The following GNE variants were observed in gnomAD, a reference collection of about 807,000 sequenced individuals.
The protein encoded by GNE is bifunctional UDP-N-acetylglucosamine 2-epimerase/N-acetylmannosamine kinase.
Under a neutral mutation model 61.8 loss-of-function variants are expected in GNE, and 41 were observed. That is an observed-to-expected ratio of 0.66 (90% CI 0.52 to 0.86). The LOEUF (loss-of-function observed/expected upper bound fraction) is 0.86. Ranked by LOEUF, GNE falls within the 40% of genes least tolerant of loss-of-function variation. The probability of loss-of-function intolerance (pLI) is 0.00; values close to 1 mark genes in which losing one functional copy is unlikely to be tolerated. For missense variants in GNE, 608 were observed against 909.1 expected, an observed-to-expected ratio of 0.67 and a Z score of 4.26; for synonymous variants, 264 against 326.4, an observed-to-expected ratio of 0.81 and a Z score of 2.06.
At chr9:36,260,132 C>T (rs144984197), upstream of GNE, among the ~76,000 whole-genome samples, 412 of 151,822 alleles carry the variant, frequency 2.7e-3, 1 homozygote, top group African/African-American at 9.0e-3. Context: ...GAATGACCTC[C>T]GGGCCAGGTG....
chr9:36,218,110 C>T lies in GNE; in HGVS notation c.1933+73G>A. On this transcript the variant is annotated intron_variant, in intron 11 of 11. Transcript: ENST00000642385. This position sits in a 1 kb window ranked among gnomAD's most constrained non-coding sequence, Gnocchi z 4.1. ...TGTCCCTAGGGAAGCAGGGTCTCTTCTGGGGCCGGGCTGGGCCATATGATA... is the reference window on the plus strand; with the variant it reads ...TGTCCCTAGGGAAGCAGGGTCTCTTTTGGGGCCGGGCTGGGCCATATGATA... 1 of 998,856 alleles carries T rather than the reference C, an allele frequency of 1.0e-6. No individual in the cohort carries two copies. The highest frequency in any genetic ancestry group is 1.6e-6 in the Non-Finnish European group (1 of 619,014). The allele number at this position is 998,856 out of a possible 1,614,324, so 61.9% of individuals were successfully genotyped here.
In GNE at chr9:36,227,242, T is replaced by C; in HGVS notation, c.1281+6A>G. On this transcript the variant is annotated splice_donor_region_variant and intron_variant, in intron 7 of 11. Transcript: ENST00000642385. ...TATAAAGTTAGGAGTTTAGGAGTTA[T>C]TTTACCTTCATGCTGACTATTGCAA... The C allele has an allele frequency of 6.3e-7, 1 of 1,594,576 alleles. No homozygotes were observed. The highest frequency in any genetic ancestry group is 8.6e-7 in the Non-Finnish European group (1 of 1,162,296).
At chr9:36,235,896 G>A (rs1563939703) in intron 4 of GNE, among the ~76,000 whole-genome samples, 1 of 152,086 alleles carries the variant, frequency 6.6e-6, no homozygotes, top group Non-Finnish European at 1.5e-5. Flanking sequence ...ACCAGTGTTT[G>A]GAAATTCTTC....
In GNE at chr9:36,217,166, C is replaced by A; in HGVS notation, c.*199G>T. The A allele has an allele frequency of 1.6e-6, 1 of 608,694 alleles. No individual in the cohort carries two copies. 37.7% of individuals were successfully genotyped at this position (608,694 alleles called of 1,614,324 possible). A position where few individuals can be genotyped will look rare whatever the true frequency, so the allele number is the denominator to read the frequency against. ...AAAATGACCCCTAGTAAGAAGACAT[C>A]AGAAAGAATAGCATCTACAAAAATA... On this transcript the variant is annotated 3_prime_UTR_variant, in exon 12 of 12. Transcript: ENST00000642385.
At chr9:36,236,422 A>C (rs1276213519) in intron 4 of GNE, among the ~76,000 whole-genome samples, 1 of 151,884 alleles carries the variant, frequency 6.6e-6, no homozygotes, top group Non-Finnish European at 1.5e-5. Flanking sequence ...CTGGTCTCGA[A>C]CTCCTGACCT....
chr9:36,234,184 C>G (rs1829300652), intron 4 of GNE, 52 bp from the exon 5 acceptor site: 11 of 1,397,768 alleles, frequency 7.9e-6, no homozygotes, highest in Non-Finnish European at 1.1e-5. Context: ...ATAAAGAAAC[C>G]ATTTTCATTG....
chr9:36,238,460 A>AT (rs1474056818), intron 3 of GNE, among the ~76,000 whole-genome samples: 8 of 152,224 alleles, frequency 5.3e-5, no homozygotes, highest in Non-Finnish European at 1.2e-4. Context: ...GTAAGGCGGC[A>AT]TCGCATTATG....
chr9:36,264,467 C>T (rs1830704165), intron 1 of GNE, among the ~76,000 whole-genome samples: 1 of 152,086 alleles, frequency 6.6e-6, no homozygotes, highest in Non-Finnish European at 1.5e-5. Flanking sequence ...TGCCCTGTTC[C>T]TTGCATTCAG....
At chr9:36,276,842 T>C (rs968322235) in intron 1 of GNE, 1 of 1,396,332 alleles carries the variant, frequency 7.2e-7, no homozygotes, top group East Asian at 2.3e-5. Flanking sequence ...CCCCCCTTTT[T>C]TTCTGATTGC....
intron 1 of GNE, among the ~76,000 whole-genome samples, chr9:36,274,068 CTGTGTGTGTGTG>C (rs71336439): frequency 0.059 from 8,441 of 142,232 alleles, 303 homozygotes; most frequent in South Asian, 0.092. Flanking sequence ...GTCTATGGTA[CTGTGTGTGTGTG>C]TGTGTGTGTG....
Position 36,216,665 on chromosome 9 carries a change from A to ATTATTATT in GNE, c.*692_*699dup, listed in dbSNP as rs1554657652. 2.0e-5 allele frequency: 2 copies of ATTATTATT among 100,678 alleles called. No individual in the cohort carries two copies. Among genetic ancestry groups the ATTATTATT allele is most frequent in the Non-Finnish European group, 4.5e-5 (2 of 44,842 alleles). 6.2% of individuals were successfully genotyped at this position (100,678 alleles called of 1,614,324 possible). On this transcript the variant is annotated 3_prime_UTR_variant, in exon 12 of 12. Coordinates refer to ENST00000642385, the MANE Select transcript of GNE (RefSeq NM_005476.7). ...GATTATTATTATTATTATTATTATT[A>ATTATTATT]TTATTATTTATTATTATTATTTTTG...
At chr9:36,228,190 G>A (rs551460422) in intron 6 of GNE, among the ~76,000 whole-genome samples, 17 of 151,516 alleles carry the variant, frequency 1.1e-4, no homozygotes, top group Admixed American at 7.9e-4. Flanking sequence ...TAATTATACA[G>A]AACTAAAAAA....
chr9:36,217,928 TA>T (rs1198108720), intron 11 of GNE, among the ~76,000 whole-genome samples: 1 of 152,236 alleles, frequency 6.6e-6, no homozygotes, highest in African/African-American at 2.4e-5. Context: ...TATATTTCTC[TA>T]AATTTCCTGT....
intron 3 of GNE, among the ~76,000 whole-genome samples, chr9:36,243,659 A>AT (rs1175938539): frequency 6.6e-6 from 1 of 152,118 alleles, no homozygotes. Context: ...CCTGGGCAAA[A>AT]TAGTGAGACC....
chr9:36,273,369 A>AC (rs1831119022), intron 1 of GNE, among the ~76,000 whole-genome samples: 1 of 151,466 alleles, frequency 6.6e-6, no homozygotes, highest in Non-Finnish European at 1.5e-5. Context: ...GGCACCCGCC[A>AC]CCACACCCAG....
chr9:36,265,318 C>G lies in GNE; in HGVS notation c.51+11576G>C, dbSNP rs1355053292. On this transcript the variant is annotated intron_variant, in intron 1 of 11. Coordinates refer to the GNE transcript ENST00000396594. ...GGGCCAAGAACCCCAGGTCAGAGAA[C>G]GAGAGGCTTGCTGCCATCTTGGAAG... The G allele has an allele frequency of 4.7e-5, 21 of 444,282 alleles. No homozygotes were observed. The East Asian group carries it at 6.3e-4, about 13-fold the overall frequency. The allele number at this position is 444,282 out of a possible 1,614,324, so 27.5% of individuals were successfully genotyped here.
chr9:36,228,117 A>G (rs565973452), intron 6 of GNE, among the ~76,000 whole-genome samples: 2 of 151,876 alleles, frequency 1.3e-5, no homozygotes, highest in South Asian at 2.1e-4. Context: ...TCAGAACATC[A>G]TGTTGTACAC....
chr9:36,270,845 T>C (rs143974034), intron 1 of GNE, among the ~76,000 whole-genome samples: 2 of 152,212 alleles, frequency 1.3e-5, no homozygotes, highest in East Asian at 3.9e-4. Flanking sequence ...AGCCCAGGAG[T>C]TTGAGTCCAG....
At chr9:36,247,184 G>GCC (rs1829919966) in intron 2 of GNE, among the ~76,000 whole-genome samples, 1 of 152,046 alleles carries the variant, frequency 6.6e-6, no homozygotes, top group African/African-American at 2.4e-5. Context: ...AGCCTCCCGA[G>GCC]TAGCTGGGAC....
Sources: gnomAD v4.1 joint callset for allele counts (sites outside exome capture counted in the v4.1 genomes callset) on GRCh38, gnomAD v4.1.1 for gene constraint, Gnocchi (gnomAD v3.1) non-coding constraint, MANE v1.5 for transcripts, NCBI Gene and HGNC (gene_info 2026-07-23, HGNC 2026-07-21) for gene names.